C10orf143: variants seen among roughly 807,000 people sequenced by gnomAD.
C10orf143 encodes the protein uncharacterized protein C10orf143.
At chr10:130,109,507 G>A (rs931115741) in intron 1 of C10orf143, among the ~76,000 whole-genome samples, 11 of 152,110 alleles carry the variant, frequency 7.2e-5, no homozygotes, top group African/African-American at 2.4e-4. Flanking sequence ...CATCTTGTTA[G>A]GGCCAGCGTG....
intron 1 of C10orf143, among the ~76,000 whole-genome samples, chr10:130,090,730 C>T (rs1228860663): frequency 6.9e-6 from 1 of 145,084 alleles, no homozygotes; most frequent in Non-Finnish European, 1.5e-5. Flanking sequence ...TGGTGGGGGG[C>T]GGGCGGGGCA....
chr10:130,076,550 C>T (rs146746343), intron 3 of C10orf143, among the ~76,000 whole-genome samples: 1 of 152,298 alleles, frequency 6.6e-6, no homozygotes, highest in African/African-American at 2.4e-5. Context: ...GACCAGAGAC[C>T]ACTAGGAAAA....
intron 1 of C10orf143, among the ~76,000 whole-genome samples, chr10:130,087,426 C>T (rs1022904175): frequency 6.6e-6 from 1 of 152,172 alleles, no homozygotes; most frequent in Non-Finnish European, 1.5e-5. Context: ...GCATCCTCAT[C>T]AGAGAAAGGT....
intron 1 of C10orf143, among the ~76,000 whole-genome samples, chr10:130,090,386 A>T (rs1185327): frequency 0.64 from 96,877 of 151,958 alleles, 31,152 homozygotes; most frequent in Admixed American, 0.72. Context: ...CCAGCCCAGA[A>T]ACTATGCTTT....
intron 3 of C10orf143, among the ~76,000 whole-genome samples, chr10:130,070,769 C>A (rs1409958641): frequency 6.6e-6 from 1 of 151,898 alleles, no homozygotes; most frequent in African/African-American, 2.4e-5. Context: ...CTGTAATTTC[C>A]TTTTTTCTCC....
rs572515786 is a variant in C10orf143 at position 130,094,628 on chromosome 10, CAT to C, written c.70-14729_70-14728del. On this transcript the variant is annotated intron_variant, in intron 1 of 3. Coordinates refer to ENST00000637128, the MANE Select transcript of C10orf143 (RefSeq NM_001355042.2). The stretch of plus-strand genomic sequence containing the variant: ...TAAGCAGAACCAATGACAAAAACCA[CAT>C]GATTGTCTCAATAGATGCAGAAAGG... Among the ~76,000 whole-genome samples the C allele has an allele frequency of 2.5e-3, 380 of 152,292 alleles. 2 individuals carry two copies. Among genetic ancestry groups the C allele is most frequent in the African/African-American group, 8.6e-3 (356 of 41,554 alleles).
chr10:130,105,652 C>T (rs1861628541), intron 1 of C10orf143, among the ~76,000 whole-genome samples: 1 of 152,130 alleles, frequency 6.6e-6, no homozygotes, highest in Non-Finnish European at 1.5e-5. Context: ...ATCGCTTCAA[C>T]CCAGGAGGCA....
At position 130,082,511 on chromosome 10, in the gene C10orf143, C is replaced by T. The variant is rs550425657; in HGVS notation, c.70-2610G>A. On this transcript the variant is annotated intron_variant, in intron 1 of 3. Coordinates refer to ENST00000637128, the MANE Select transcript of C10orf143 (RefSeq NM_001355042.2). ...GAATCATGGGGGCGGTTCCCCTACA[C>T]GGTCCTCGTGTTAGTGAATAAGTCT... Among the ~76,000 whole-genome samples, 365 of 151,588 alleles carry T rather than the reference C, an allele frequency of 2.4e-3. 2 individuals carry two copies. Among genetic ancestry groups the T allele is most frequent in the African/African-American group, 8.4e-3 (346 of 40,994 alleles).
At chr10:130,074,391 A>G (rs1259051571) in intron 3 of C10orf143, among the ~76,000 whole-genome samples, 2 of 152,228 alleles carry the variant, frequency 1.3e-5, no homozygotes, top group African/African-American at 2.4e-5. Flanking sequence ...TGATCCCTCC[A>G]TGATTGTGTT....
intron 1 of C10orf143, among the ~76,000 whole-genome samples, chr10:130,110,088 T>C (rs1861735185): frequency 6.6e-6 from 1 of 152,190 alleles, no homozygotes; most frequent in Non-Finnish European, 1.5e-5. Flanking sequence ...CCATCCTGCC[T>C]ACCCCCGGTC....
chr10:130,085,418 G>A (rs656567), intron 1 of C10orf143, among the ~76,000 whole-genome samples: 10,086 of 152,176 alleles, frequency 0.066, 440 homozygotes, highest in Admixed American at 0.13. Flanking sequence ...CCAAAAATGC[G>A]CACCCTGACT....
intron 1 of C10orf143, among the ~76,000 whole-genome samples, chr10:130,084,550 T>G (rs1419833851): frequency 5.9e-5 from 9 of 152,184 alleles, no homozygotes; most frequent in Non-Finnish European, 1.3e-4. Context: ...GAGGCTACAA[T>G]GAACCCAGTG....
intron 1 of C10orf143, among the ~76,000 whole-genome samples, chr10:130,083,833 T>C (rs1444405222): frequency 1.3e-5 from 2 of 151,062 alleles, no homozygotes; most frequent in African/African-American, 2.4e-5. Context: ...GAAGAGGGAG[T>C]GTAGAGCTCT....
intron 3 of C10orf143, among the ~76,000 whole-genome samples, chr10:130,041,369 G>A (rs186496750): frequency 7.2e-4 from 110 of 152,316 alleles, no homozygotes; most frequent in Middle Eastern, 3.4e-3. Flanking sequence ...TCAGTACCAA[G>A]GAGGCCATGA....
rs992734058 is a variant in C10orf143, at chr10:130,065,652, G to A, written c.298-1269C>T. On this transcript the variant is annotated intron_variant, in intron 3 of 3. Coordinates refer to ENST00000637128, the MANE Select transcript of C10orf143 (RefSeq NM_001355042.2). The surrounding 1 kb of genome is among the most constrained non-coding windows in gnomAD (Gnocchi z 4.2). ...TATTCCCAGAATCACATGTGTAGCA[G>A]GTATCCCTTTACAAAAGGACATTTT... is the stretch of plus-strand genomic sequence containing the variant. The A allele has an allele frequency of 6.6e-6, 1 of 152,218 alleles. No individual in the cohort carries two copies. Among genetic ancestry groups the A allele is most frequent in the African/African-American group, 2.4e-5 (1 of 41,452 alleles). The allele number at this position is 152,218 out of a possible 1,614,324, so 9.4% of individuals were successfully genotyped here. A position where few individuals can be genotyped will look rare whatever the true frequency, so the allele number is the denominator to read the frequency against.
intron 3 of C10orf143, among the ~76,000 whole-genome samples, chr10:130,076,923 G>A (rs1158280404): frequency 6.6e-6 from 1 of 152,276 alleles, no homozygotes. Flanking sequence ...ACATGACAGG[G>A]AGAGCAAGCA....
intron 3 of C10orf143, among the ~76,000 whole-genome samples, chr10:130,047,847 T>TG (rs1453581339): frequency 6.6e-6 from 1 of 150,442 alleles, no homozygotes; most frequent in Non-Finnish European, 1.5e-5. Context: ...CTGGAAACAT[T>TG]TTTTTTTTTC....
At chr10:130,045,117 T>C (rs531441915) in intron 3 of C10orf143, among the ~76,000 whole-genome samples, 7 of 152,274 alleles carry the variant, frequency 4.6e-5, no homozygotes, top group Middle Eastern at 3.4e-3. Flanking sequence ...ACCCACCCCA[T>C]GGAGAAAGTT....
At position 130,065,138 on chromosome 10, in the gene C10orf143, A is replaced by C. The variant is rs375748515; in HGVS notation, c.298-755T>G. The C allele has an allele frequency of 6.6e-5, 10 of 152,434 alleles. No individual in the cohort carries two copies. Among genetic ancestry groups the C allele is most frequent in the Non-Finnish European group, 1.3e-4 (9 of 68,224 alleles). 9.4% of individuals were successfully genotyped at this position (152,434 alleles called of 1,614,324 possible). On this transcript the variant is annotated intron_variant, in intron 3 of 3. Transcript: ENST00000637128. The surrounding 1 kb of genome is among the most constrained non-coding windows in gnomAD (Gnocchi z 4.2). ...AGGCTGGGCAGTGGGGAAACAAAGA[A>C]GTCCAGTTCTTGATGATGTCCCTGC...
Sources: gnomAD v4.1 joint callset for allele counts (sites outside exome capture counted in the v4.1 genomes callset) on GRCh38, gnomAD v4.1.1 for gene constraint, Gnocchi (gnomAD v3.1) non-coding constraint, MANE v1.5 for transcripts, NCBI Gene and HGNC (gene_info 2026-07-23, HGNC 2026-07-21) for gene names.